ZC3H12B: variants seen among roughly 807,000 people sequenced by gnomAD.
ZC3H12B encodes the protein probable ribonuclease ZC3H12B.
ZC3H12B carries 7 observed loss-of-function variants against 43.9 expected under a neutral mutation model. The observed-to-expected ratio is 0.16, with a 90% CI of 0.09 to 0.30. ZC3H12B has a LOEUF of 0.30. Among genes scored for constraint, ZC3H12B ranks in the 10% least tolerant of loss-of-function variants. The probability of loss-of-function intolerance (pLI) is 1.00; values close to 1 mark genes in which losing one functional copy is unlikely to be tolerated. For synonymous variants in ZC3H12B, 222 were observed against 241.7 expected (o/e 0.92, Z 0.76); for missense variants, 475 against 670.2 (o/e 0.71, Z 3.22).
At chrX:65,085,275 T>G in the ZC3H12B span, among the ~76,000 whole-genome samples, 1 of 111,822 alleles carries the variant, frequency 8.9e-6, no homozygotes, top group Admixed American at 9.5e-5. Flanking sequence ...ATTGGACTGT[T>G]TGTAACACAA....
At chrX:65,495,574 G>T (rs1355879068) in intron 1 of ZC3H12B, among the ~76,000 whole-genome samples, 1 of 111,806 alleles carries the variant, frequency 8.9e-6, no homozygotes, top group Non-Finnish European at 1.9e-5. Context: ...AGTAGAATTG[G>T]TACGTGTATG....
the ZC3H12B span, among the ~76,000 whole-genome samples, chrX:65,353,315 C>A: frequency 9.0e-6 from 1 of 111,264 alleles, no homozygotes; most frequent in Non-Finnish European, 1.9e-5. Flanking sequence ...TCCCTCATAT[C>A]TCCCCCTCTT....
chrX:65,367,920 T>A (rs1196871345), intron 1 of ZC3H12B, among the ~76,000 whole-genome samples: 3 of 111,152 alleles, frequency 2.7e-5, no homozygotes, highest in East Asian at 2.8e-4. Context: ...CTACTAAAAG[T>A]AATCTTTAAG....
chrX:65,456,611 G>T (rs1372950937), intron 3 of ZC3H12B, among the ~76,000 whole-genome samples: 1 of 98,801 alleles, frequency 1.0e-5, no homozygotes, highest in Non-Finnish European at 2.1e-5. Flanking sequence ...ACTGGTTTTC[G>T]TTTTTTTTTT....
chrX:65,456,732 G>T (rs766183394), intron 3 of ZC3H12B, among the ~76,000 whole-genome samples: 1 of 109,056 alleles, frequency 9.2e-6, no homozygotes, highest in Non-Finnish European at 1.9e-5. Context: ...ACAGAGTCTC[G>T]TTCACTCAGT....
the ZC3H12B span, among the ~76,000 whole-genome samples, chrX:65,250,276 T>G: frequency 8.9e-6 from 1 of 111,968 alleles, no homozygotes; most frequent in Non-Finnish European, 1.9e-5. Flanking sequence ...TCATCCTTTT[T>G]TATGGCTGCA....
At chrX:65,078,029 G>A in the ZC3H12B span, among the ~76,000 whole-genome samples, 1 of 112,062 alleles carries the variant, frequency 8.9e-6, no homozygotes, top group Admixed American at 9.5e-5. Context: ...AAACTAACAA[G>A]ATTTGGTGAT....
chrX:65,287,006 A>G, the ZC3H12B span, among the ~76,000 whole-genome samples: 1 of 111,435 alleles, frequency 9.0e-6, no homozygotes, highest in Non-Finnish European at 1.9e-5. Context: ...TAAATATGTA[A>G]GTACCCAACA....
intron 3 of ZC3H12B, among the ~76,000 whole-genome samples, chrX:65,419,793 AC>A (rs1271191309): frequency 9.0e-6 from 1 of 110,808 alleles, no homozygotes; most frequent in Non-Finnish European, 1.9e-5. Context: ...AGATCCAAGC[AC>A]CAGGCCCGCA....
the ZC3H12B span, among the ~76,000 whole-genome samples, chrX:65,151,214 C>T: frequency 8.9e-6 from 1 of 111,851 alleles, no homozygotes; most frequent in Admixed American, 9.5e-5. Context: ...GGTTACATTT[C>T]TTCCTACAAA....
chrX:65,252,952 G>A, the ZC3H12B span, among the ~76,000 whole-genome samples: 1 of 112,100 alleles, frequency 8.9e-6, no homozygotes, highest in Non-Finnish European at 1.9e-5. Flanking sequence ...TTGGGATTAT[G>A]TTAGAAGTTA....
chrX:65,192,619 C>T, the ZC3H12B span, among the ~76,000 whole-genome samples: 1 of 111,085 alleles, frequency 9.0e-6, no homozygotes, highest in Admixed American at 9.6e-5. Context: ...TGATTTTTGT[C>T]CTTCATTCTT....
chrX:65,129,336 G>T, the ZC3H12B span, among the ~76,000 whole-genome samples: 2 of 108,528 alleles, frequency 1.8e-5, no homozygotes, highest in African/African-American at 6.7e-5. Context: ...CACCAAACAG[G>T]CTTTGTGTGA....
the ZC3H12B span, among the ~76,000 whole-genome samples, chrX:65,124,322 C>T: frequency 9.0e-6 from 1 of 111,331 alleles, no homozygotes; most frequent in African/African-American, 3.3e-5. Flanking sequence ...ACCATCTCTG[C>T]ATCCCTGGTA....
At chrX:65,095,670 ATTC>A in the ZC3H12B span, among the ~76,000 whole-genome samples, 37 of 112,055 alleles carry the variant, frequency 3.3e-4, no homozygotes, top group Admixed American at 1.0e-3. Context: ...GCATTCTGTT[ATTC>A]TTAACAAGTG....
chrX:65,226,292 A>C, the ZC3H12B span, among the ~76,000 whole-genome samples: 1 of 111,310 alleles, frequency 9.0e-6, no homozygotes, highest in Non-Finnish European at 1.9e-5. Context: ...GTGAAGGAGA[A>C]ATAAAATCCT....
chrX:65,056,603 G>T, the ZC3H12B span, among the ~76,000 whole-genome samples: 2 of 111,601 alleles, frequency 1.8e-5, no homozygotes, highest in African/African-American at 6.5e-5. Flanking sequence ...ATGTCTATTA[G>T]GTCCTCTTGG....
At chrX:65,321,781 T>A in the ZC3H12B span, among the ~76,000 whole-genome samples, 1 of 110,719 alleles carries the variant, frequency 9.0e-6, no homozygotes, top group Admixed American at 9.6e-5. Context: ...CCTTAAAAAC[T>A]AATGCAGAAA....
chrX:65,055,181 C>T, the ZC3H12B span, among the ~76,000 whole-genome samples: 2 of 111,511 alleles, frequency 1.8e-5, no homozygotes, highest in East Asian at 2.8e-4. Flanking sequence ...AAAGGGAATG[C>T]TTCCAATTTT....
Sources: allele counts gnomAD v4.1 joint callset (sites outside exome capture counted in the v4.1 genomes callset), GRCh38; gene constraint gnomAD v4.1.1; transcripts MANE v1.5; gene names NCBI Gene and HGNC (gene_info 2026-07-23, HGNC 2026-07-21).